The following AAMDC variants were observed in gnomAD, a reference collection of about 807,000 sequenced individuals.
AAMDC encodes adipogenesis associated Mth938 domain containing.
In AAMDC, 16 loss-of-function variants were observed where a neutral mutation model predicts 15.5. The observed-to-expected ratio is 1.03, with a 90% CI of 0.70 to 1.57. AAMDC has a LOEUF of 1.57. Ranked by LOEUF, AAMDC falls within the 40% of genes most tolerant of loss-of-function variation. The pLI is 0.00. For synonymous variants in AAMDC, 51 were observed against 51.6 expected, an observed-to-expected ratio of 0.99 and a Z score of 0.05; for missense variants, 141 against 144.9, an observed-to-expected ratio of 0.97 and a Z score of 0.14.
At chr11:77,881,055 A>G (rs1466568330) in intron 5 of AAMDC, among the ~76,000 whole-genome samples, 2 of 152,242 alleles carry the variant, frequency 1.3e-5, no homozygotes, top group Non-Finnish European at 2.9e-5. Context: ...AAGAATGGCA[A>G]TTCAAGGCAA....
At chr11:77,856,426 C>G (rs1238709222) in intron 2 of AAMDC, among the ~76,000 whole-genome samples, 1 of 152,190 alleles carries the variant, frequency 6.6e-6, no homozygotes, top group Non-Finnish European at 1.5e-5. Flanking sequence ...CTGCCCATTA[C>G]CTAGTTCCAT....
intron 2 of AAMDC, among the ~76,000 whole-genome samples, chr11:77,849,504 G>T (rs1020592125): frequency 6.6e-6 from 1 of 152,156 alleles, no homozygotes; most frequent in South Asian, 2.1e-4. Flanking sequence ...GATTATTGGC[G>T]TGAGCCACTG....
intron 1 of AAMDC, among the ~76,000 whole-genome samples, chr11:77,832,762 A>G (rs1949492128): frequency 3.3e-5 from 5 of 150,640 alleles, no homozygotes; most frequent in Admixed American, 3.3e-4. Context: ...AATTTTTTGT[A>G]TACCCAGGCT....
rs1038438013 is a variant in AAMDC, at chr11:77,832,959, G to A, written c.-18-9520G>A. Among the ~76,000 whole-genome samples the A allele has an allele frequency of 9.6e-4, 17 of 17,740 alleles. No homozygotes were observed. In the African/African-American group the frequency reaches 0.011, roughly 12 times the overall value. The allele number at this position is 17,740 out of a possible 152,430, so 11.6% of individuals were successfully genotyped here. A position where few individuals can be genotyped will look rare whatever the true frequency, so the allele number is the denominator to read the frequency against. On this transcript the variant is annotated intron_variant, in intron 1 of 3. Transcript: ENST00000393427. ...CTTTATTGTATATATATATGTGTGTGTGTGTGTGTGTGTGTGTGTGTGTGT... is the reference window on the plus strand; with the variant it reads ...CTTTATTGTATATATATATGTGTGTATGTGTGTGTGTGTGTGTGTGTGTGT...
chr11:77,875,966 G>A (rs139188110), downstream of AAMDC, among the ~76,000 whole-genome samples: 332 of 152,332 alleles, frequency 2.2e-3, 7 homozygotes, highest in Admixed American at 0.02. Flanking sequence ...CTTCAAGACA[G>A]GAGTTCAGAC....
intron 2 of AAMDC, among the ~76,000 whole-genome samples, chr11:77,867,690 G>C (rs1026828669): frequency 2.0e-5 from 3 of 152,176 alleles, no homozygotes; most frequent in Non-Finnish European, 1.5e-5. Flanking sequence ...AGTAGGTTGG[G>C]CTGGTAGTTC....
downstream of AAMDC, among the ~76,000 whole-genome samples, chr11:77,874,390 G>C (rs1448641985): frequency 1.4e-5 from 2 of 146,046 alleles, no homozygotes; most frequent in African/African-American, 5.1e-5. Flanking sequence ...TTTTTTTTTG[G>C]TCAAATGTAA....
At chr11:77,881,477 T>C (rs1951789016) in intron 5 of AAMDC, among the ~76,000 whole-genome samples, 1 of 152,212 alleles carries the variant, frequency 6.6e-6, no homozygotes, top group African/African-American at 2.4e-5. Context: ...GGAAGGGACA[T>C]AGCACAGTGA....
intron 2 of AAMDC, among the ~76,000 whole-genome samples, chr11:77,861,969 CAG>C (rs544892656): frequency 3.2e-4 from 49 of 152,338 alleles, no homozygotes; most frequent in African/African-American, 1.2e-3. Flanking sequence ...AGTCAGGTGA[CAG>C]AGAGGTGTGC....
At chr11:77,834,950 A>C (rs560967870) in intron 1 of AAMDC, among the ~76,000 whole-genome samples, 19 of 152,314 alleles carry the variant, frequency 1.2e-4, no homozygotes, top group Admixed American at 4.6e-4. Flanking sequence ...CATGAGCTAA[A>C]CCAGAGTAGT....
At chr11:77,879,304 TC>T (rs1428503975) in intron 5 of AAMDC, among the ~76,000 whole-genome samples, 1 of 152,188 alleles carries the variant, frequency 6.6e-6, no homozygotes, top group Non-Finnish European at 1.5e-5. Flanking sequence ...GTGATGCTGT[TC>T]CATCACCTTC....
chr11:77,902,168 ACT>A (rs1418870274), downstream of AAMDC, among the ~76,000 whole-genome samples: 2 of 152,130 alleles, frequency 1.3e-5, no homozygotes, highest in Middle Eastern at 3.4e-3. Context: ...ATGACTCCAG[ACT>A]CTCTTACAAT....
At chr11:77,850,871 TCTC>T (rs1462019414) in intron 2 of AAMDC, 7 of 151,876 alleles carry the variant, frequency 4.6e-5, no homozygotes, top group African/African-American at 1.7e-4. Context: ...TCAGTATTTC[TCTC>T]CTAAGGACAT....
rs1413082849 is a variant in AAMDC at position 77,833,007 on chromosome 11, A to ATTT, written c.-18-9471_-18-9470insTTT. Reference sequence around the variant, plus strand: ...TGTGTGTGTGTGTGTGTATATATATATATTTTTTTTTTTTTTTTTTTTGAG... The same window carrying ATTT: ...TGTGTGTGTGTGTGTGTATATATATATTTTATTTTTTTTTTTTTTTTTTTTGAG... On this transcript the variant is annotated intron_variant, in intron 1 of 3. Transcript: ENST00000393427. Among the ~76,000 whole-genome samples the ATTT allele has an allele frequency of 1.0e-3, 53 of 51,946 alleles. 5 individuals carry two copies. Among genetic ancestry groups the ATTT allele is most frequent in the African/African-American group, 3.5e-3 (36 of 10,326 alleles). The allele number at this position is 51,946 out of a possible 152,430, so 34.1% of individuals were successfully genotyped here.
intron 1 of AAMDC, among the ~76,000 whole-genome samples, chr11:77,832,350 G>A (rs1253078360): frequency 1.3e-5 from 2 of 150,588 alleles, no homozygotes; most frequent in Non-Finnish European, 3.0e-5. Flanking sequence ...TTTTGAGACG[G>A]CGTTTCGCTC....
intron 5 of AAMDC, among the ~76,000 whole-genome samples, chr11:77,900,260 C>T (rs981077903): frequency 7.9e-5 from 12 of 151,908 alleles, no homozygotes; most frequent in South Asian, 2.1e-4. Context: ...CCACCATGCC[C>T]GGCTAATTTT....
intron 1 of AAMDC, among the ~76,000 whole-genome samples, chr11:77,822,747 C>A (rs1948976882): frequency 6.6e-6 from 1 of 152,058 alleles, no homozygotes; most frequent in Non-Finnish European, 1.5e-5. Flanking sequence ...GAAAAAAGTT[C>A]TTTTGAAACT....
chr11:77,860,995 T>C (rs1424840959), intron 2 of AAMDC, among the ~76,000 whole-genome samples: 1 of 152,104 alleles, frequency 6.6e-6, no homozygotes, highest in Non-Finnish European at 1.5e-5. Context: ...GGCTTTTAGG[T>C]TCTTAACAAT....
chr11:77,884,570 T>TC (rs1951919451), intron 5 of AAMDC, among the ~76,000 whole-genome samples: 1 of 152,182 alleles, frequency 6.6e-6, no homozygotes, highest in South Asian at 2.1e-4. Flanking sequence ...ATGAAGCTTA[T>TC]CCTAGGACTA....
Sources: gnomAD v4.1 joint callset for allele counts (sites outside exome capture counted in the v4.1 genomes callset) on GRCh38, gnomAD v4.1.1 for gene constraint, MANE v1.5 for transcripts, NCBI Gene and HGNC (gene_info 2026-07-23, HGNC 2026-07-21) for gene names.